LMX1B: variants seen among roughly 807,000 people sequenced by gnomAD.
LMX1B encodes LIM homeobox transcription factor 1 beta, also known as LIM homeobox transcription factor 1-beta.
LMX1B carries 12 observed loss-of-function variants against 51.4 expected under a neutral mutation model. That is an observed-to-expected ratio of 0.23 (90% CI 0.15 to 0.38). LMX1B has a LOEUF of 0.38. Ranked by LOEUF, LMX1B falls within the 10% of genes least tolerant of loss-of-function variation. LMX1B has a pLI of 1.00. For missense variants in LMX1B, 445 were observed against 571.1 expected, an observed-to-expected ratio of 0.78 and a Z score of 2.25; for synonymous variants, 237 against 235.4, an observed-to-expected ratio of 1.01 and a Z score of -0.06.
Position 126,646,519 on chromosome 9 carries a change from A to G in LMX1B, c.326+30950A>G, listed in dbSNP as rs566703915. Among the ~76,000 whole-genome samples the G allele has an allele frequency of 2.0e-5, 3 of 152,330 alleles. No homozygotes were observed. The East Asian group carries it at 5.8e-4, about 29-fold the overall frequency. On this transcript the variant is annotated intron_variant, in intron 2 of 7. Transcript: ENST00000373474. The stretch of plus-strand genomic sequence containing the variant: ...GGCAAATAAAGATACAGTGAAACCT[A>G]CAGGCATCACCTGCCCTCGGGGGCC...
intron 2 of LMX1B, among the ~76,000 whole-genome samples, chr9:126,661,216 C>A (rs1408061484): frequency 6.6e-6 from 1 of 151,500 alleles, no homozygotes; most frequent in African/African-American, 2.4e-5. Context: ...GCAGGGCGAC[C>A]TCTCAGGCCA....
intron 2 of LMX1B, among the ~76,000 whole-genome samples, chr9:126,616,972 T>A (rs1053115164): frequency 6.6e-6 from 1 of 152,332 alleles, no homozygotes; most frequent in East Asian, 1.9e-4. Flanking sequence ...GTTTTGCTGG[T>A]CCCAGAGTGC....
intron 2 of LMX1B, among the ~76,000 whole-genome samples, chr9:126,617,517 C>T (rs938855276): frequency 8.6e-5 from 13 of 152,028 alleles, no homozygotes; most frequent in African/African-American, 3.1e-4. Context: ...AAGGATAACC[C>T]CTGGTTCTTC....
chr9:126,621,173 C>T (rs1461187682), intron 2 of LMX1B, among the ~76,000 whole-genome samples: 9 of 152,246 alleles, frequency 5.9e-5, no homozygotes, highest in African/African-American at 1.2e-4. Flanking sequence ...AGGATACTCT[C>T]ACCGACATGA....
At chr9:126,678,315 A>AAAAAAAC (rs1256111195) in intron 2 of LMX1B, among the ~76,000 whole-genome samples, 2 of 145,602 alleles carry the variant, frequency 1.4e-5, no homozygotes, top group Non-Finnish European at 3.0e-5. Flanking sequence ...GTCTCAAAAA[A>AAAAAAAC]AAAAAACAAA....
At chr9:126,691,948 A>G (rs2030148720) in intron 3 of LMX1B, among the ~76,000 whole-genome samples, 1 of 152,210 alleles carries the variant, frequency 6.6e-6, no homozygotes, top group African/African-American at 2.4e-5. Flanking sequence ...CCCAGCCAGG[A>G]GTGAGCCTTA....
intron 2 of LMX1B, among the ~76,000 whole-genome samples, chr9:126,639,598 A>C (rs1835772099): frequency 6.6e-6 from 1 of 152,210 alleles, no homozygotes; most frequent in South Asian, 2.1e-4. Flanking sequence ...TAATAATCCC[A>C]GCGGAGCCCC....
At chr9:126,624,516 G>T (rs927075206) in intron 2 of LMX1B, among the ~76,000 whole-genome samples, 1 of 152,144 alleles carries the variant, frequency 6.6e-6, no homozygotes, top group Non-Finnish European at 1.5e-5. Context: ...CCCTTTTCCC[G>T]CCTGAGAAAC....
chr9:126,648,196 A>G (rs1835937469), intron 2 of LMX1B, among the ~76,000 whole-genome samples: 1 of 152,254 alleles, frequency 6.6e-6, no homozygotes, highest in Non-Finnish European at 1.5e-5. Context: ...TTGTAACAAT[A>G]TGGAAATTGA....
rs372059188 is a variant in LMX1B, at chr9:126,637,598, G to A, written c.326+22029G>A. On this transcript the variant is annotated intron_variant, in intron 2 of 7. Coordinates refer to ENST00000373474, the MANE Select transcript of LMX1B (RefSeq NM_001174147.2). ...GGGCTAATGTGTCAGGGCATGGGAA[G>A]GGCGTGCACCTGTGTCACTGTGGGC... 2.4e-4 allele frequency among the ~76,000 whole-genome samples: 37 copies of A among 152,198 alleles called. No homozygotes were observed. In the East Asian group the frequency reaches 5.0e-3, roughly 21 times the overall value.
chr9:126,614,876 G>A (rs1456484627), intron 1 of LMX1B, among the ~76,000 whole-genome samples: 1 of 152,126 alleles, frequency 6.6e-6, no homozygotes, highest in African/African-American at 2.4e-5. Flanking sequence ...GGGTGATGGA[G>A]GACCTAGCAA....
chr9:126,676,358 T>C (rs1419939467), intron 2 of LMX1B, among the ~76,000 whole-genome samples: 1 of 152,204 alleles, frequency 6.6e-6, no homozygotes, highest in African/African-American at 2.4e-5. Context: ...GTCCCCAGGA[T>C]GGGCTGTCTC....
In LMX1B at chr9:126,626,788, C is replaced by G. The variant is rs1835541844; in HGVS notation, c.326+11219C>G. ...TTCAGCGCCTCCGCCCCACCCCCAG[C>G]CCCGCGGCGGTGATTTGTGTGCGGG... On this transcript the variant is annotated intron_variant, in intron 2 of 7. Coordinates refer to ENST00000373474, the MANE Select transcript of LMX1B (RefSeq NM_001174147.2). This position sits in a 1 kb window ranked among gnomAD's most constrained non-coding sequence, Gnocchi z 4.3. 6.6e-6 allele frequency among the ~76,000 whole-genome samples: 1 copy of G among 152,154 alleles called. No individual in the cohort carries two copies.
intron 2 of LMX1B, among the ~76,000 whole-genome samples, chr9:126,652,517 C>T (rs566663104): frequency 2.0e-5 from 3 of 152,348 alleles, no homozygotes; most frequent in African/African-American, 4.8e-5. Context: ...GCTAATGCTA[C>T]GTGAATGTGC....
At position 126,664,811 on chromosome 9, in the gene LMX1B, G is replaced by A. The variant is rs554283553; in HGVS notation, c.327-26025G>A. ...AATCGCTTGAACCTGGGAGGCGGAG[G>A]TTGCAGTGAGCCAAGATCACGCCAT... On this transcript the variant is annotated intron_variant, in intron 2 of 7. Coordinates refer to ENST00000373474, the MANE Select transcript of LMX1B (RefSeq NM_001174147.2). Among the ~76,000 whole-genome samples the A allele has an allele frequency of 3.4e-3, 517 of 152,324 alleles. 2 individuals are homozygous for A. Among genetic ancestry groups the A allele is most frequent in the African/African-American group, 0.012 (490 of 41,578 alleles).
At chr9:126,662,064 C>T (rs1249856640) in intron 2 of LMX1B, among the ~76,000 whole-genome samples, 3 of 152,336 alleles carry the variant, frequency 2.0e-5, no homozygotes, top group East Asian at 1.9e-4. Flanking sequence ...CCCTCCCCCA[C>T]GCAGCGCCCT....
At chr9:126,622,591 C>T (rs946447061) in intron 2 of LMX1B, among the ~76,000 whole-genome samples, 3 of 152,248 alleles carry the variant, frequency 2.0e-5, no homozygotes, top group African/African-American at 7.2e-5. Context: ...GGTGTGACTG[C>T]TGTTCCCCCT....
Position 126,626,774 on chromosome 9 carries a change from C to A in LMX1B, c.326+11205C>A, listed in dbSNP as rs969887499. ...TCTGCGGATTAGGTTTCAGCGCCTCCGCCCCACCCCCAGCCCCGCGGCGGT... is the reference window on the plus strand; with the variant it reads ...TCTGCGGATTAGGTTTCAGCGCCTCAGCCCCACCCCCAGCCCCGCGGCGGT... On this transcript the variant is annotated intron_variant, in intron 2 of 7. Transcript: ENST00000373474. The surrounding 1 kb of genome is among the most constrained non-coding windows in gnomAD (Gnocchi z 4.3). 2.6e-5 allele frequency among the ~76,000 whole-genome samples: 4 copies of A among 152,312 alleles called. No individual in the cohort carries two copies. The East Asian group carries it at 7.7e-4, about 29-fold the overall frequency.
At chr9:126,669,258 G>A (rs1235284306) in intron 2 of LMX1B, among the ~76,000 whole-genome samples, 1 of 152,158 alleles carries the variant, frequency 6.6e-6, no homozygotes, top group Non-Finnish European at 1.5e-5. Context: ...GGTGGAGACA[G>A]GGATGAGGGC....
Sources: allele counts gnomAD v4.1 joint callset (sites outside exome capture counted in the v4.1 genomes callset), GRCh38; gene constraint gnomAD v4.1.1; non-coding constraint Gnocchi (gnomAD v3.1); transcripts MANE v1.5; gene names NCBI Gene and HGNC (gene_info 2026-07-23, HGNC 2026-07-21).